Variants in WDR27 observed in about 807,000 individuals in gnomAD.
WDR27 encodes the protein WD repeat-containing protein 27.
In WDR27, 100 loss-of-function variants were observed where a neutral mutation model predicts 114.4. The observed-to-expected ratio is 0.87, with a 90% CI of 0.74 to 1.03. WDR27 has a LOEUF of 1.03. WDR27 is among the 50% of genes least tolerant of loss of function. The probability of loss-of-function intolerance (pLI) is 0.00; values close to 1 mark genes in which losing one functional copy is unlikely to be tolerated. For synonymous variants in WDR27, 449 were observed against 423.1 expected (o/e 1.06, Z -0.75); for missense variants, 1,129 against 1,092.9 (o/e 1.03, Z -0.47).
At chr6:169,447,104 A>C in the WDR27 span, among the ~76,000 whole-genome samples, 1 of 152,202 alleles carries the variant, frequency 6.6e-6, no homozygotes, top group Admixed American at 6.5e-5. Flanking sequence ...GTCACAATAA[A>C]ATTTTTCCAT....
In WDR27 at chr6:169,588,817, A is replaced by T. The variant is rs1805136961; in HGVS notation, c.2425-5883T>A. 2.0e-5 allele frequency among the ~76,000 whole-genome samples: 3 copies of T among 152,160 alleles called. No homozygotes were observed. The South Asian group carries it at 6.2e-4, about 32-fold the overall frequency. Reference sequence around the variant, plus strand: ...AGTGTGTCACTATTTACAAAACACAACTGTTACATAAACCATTTACAATAA... The same window carrying T: ...AGTGTGTCACTATTTACAAAACACATCTGTTACATAAACCATTTACAATAA... On this transcript the variant is annotated intron_variant, in intron 23 of 25. Transcript: ENST00000448612.
At chr6:169,664,565 G>A (rs1403176537) in intron 7 of WDR27, 99 of 1,304,534 alleles carry the variant, frequency 7.6e-5, no homozygotes, top group Non-Finnish European at 9.7e-5. Context: ...GCTCCTCTGG[G>A]AACCCCAGGC....
intron 1 of WDR27, among the ~76,000 whole-genome samples, chr6:169,700,398 G>C (rs772215410): frequency 6.6e-6 from 1 of 152,240 alleles, no homozygotes; most frequent in Non-Finnish European, 1.5e-5. Context: ...GGTAAGTGCT[G>C]TTCCTTTTCC....
intron 25 of WDR27, among the ~76,000 whole-genome samples, chr6:169,552,222 G>A (rs1287173252): frequency 1.3e-5 from 2 of 151,990 alleles, no homozygotes; most frequent in East Asian, 1.9e-4. Flanking sequence ...ATGCAGAGTC[G>A]CTGTCCCCAC....
chr6:169,545,127 G>A (rs1797299887), intron 25 of WDR27, among the ~76,000 whole-genome samples: 1 of 152,096 alleles, frequency 6.6e-6, no homozygotes, highest in Non-Finnish European at 1.5e-5. Context: ...TAAAATGAGA[G>A]GAATTACTCT....
chr6:169,465,693 G>T (rs950027788), intron 25 of WDR27, among the ~76,000 whole-genome samples: 1 of 152,138 alleles, frequency 6.6e-6, no homozygotes, highest in Non-Finnish European at 1.5e-5. Flanking sequence ...ACCACACAAT[G>T]GCAAATTATT....
intron 13 of WDR27, among the ~76,000 whole-genome samples, chr6:169,655,023 A>T (rs2128250042): frequency 6.6e-6 from 1 of 152,294 alleles, no homozygotes; most frequent in Middle Eastern, 3.4e-3. Context: ...AGAACAGAGG[A>T]CACATCACGC....
At chr6:169,688,736 A>G in intron 2 of WDR27, 81 bp downstream of exon 2, 1 of 998,860 alleles carries the variant, frequency 1.0e-6, no homozygotes, top group East Asian at 2.8e-5. Context: ...CACAGAGGGT[A>G]ATGCTGTCCG....
intron 25 of WDR27, among the ~76,000 whole-genome samples, chr6:169,541,498 G>C (rs577878725): frequency 1.3e-5 from 2 of 152,214 alleles, no homozygotes; most frequent in African/African-American, 4.8e-5. Flanking sequence ...ATAAGAAAAC[G>C]TGTGCTGAGA....
intron 2 of WDR27, among the ~76,000 whole-genome samples, chr6:169,678,967 GCTAT>G (rs1780771826): frequency 6.6e-6 from 1 of 152,142 alleles, no homozygotes; most frequent in South Asian, 2.1e-4. Context: ...TCTGAAGTCT[GCTAT>G]CTGAGAGCTT....
chr6:169,645,907 G>A (rs975958469), intron 16 of WDR27, among the ~76,000 whole-genome samples: 6 of 151,242 alleles, frequency 4.0e-5, no homozygotes, highest in African/African-American at 1.5e-4. Flanking sequence ...CTAGTTCACA[G>A]GGTCACACTG....
intron 23 of WDR27, among the ~76,000 whole-genome samples, chr6:169,591,677 A>T (rs1465977421): frequency 6.6e-6 from 1 of 152,148 alleles, no homozygotes; most frequent in Non-Finnish European, 1.5e-5. Flanking sequence ...AATCACAGTC[A>T]TTACTCTTTG....
intron 25 of WDR27, among the ~76,000 whole-genome samples, chr6:169,549,439 G>A (rs184719157): frequency 2.2e-4 from 34 of 152,302 alleles, no homozygotes; most frequent in Admixed American, 2.1e-3. Flanking sequence ...GCAAAATGGT[G>A]CAGCCTTTTT....
At chr6:169,669,113 A>C (rs1263066962) in intron 4 of WDR27, among the ~76,000 whole-genome samples, 3 of 152,234 alleles carry the variant, frequency 2.0e-5, no homozygotes, top group Non-Finnish European at 4.4e-5. Context: ...AAAATATTTA[A>C]GTTATTTCCT....
chr6:169,664,684 AAATC>A, intron 7 of WDR27: 3 of 1,013,906 alleles, frequency 3.0e-6, no homozygotes, highest in Non-Finnish European at 3.5e-6. Flanking sequence ...AGGAAAAAAA[AAATC>A]TAAGTTTTCA....
chr6:169,583,021 G>T, intron 23 of WDR27, 87 bp from the exon 24 acceptor site: 1 of 1,136,292 alleles, frequency 8.8e-7, no homozygotes, highest in Non-Finnish European at 1.3e-6. Flanking sequence ...ACCATCTATA[G>T]ATTAGTGTAG....
the WDR27 span, among the ~76,000 whole-genome samples, chr6:169,443,139 T>C: frequency 1.3e-5 from 2 of 152,300 alleles, no homozygotes; most frequent in South Asian, 2.1e-4. Flanking sequence ...GAGGTTTAAA[T>C]GGTTCATGCA....
At chr6:169,621,770 G>A (rs142941786) in intron 21 of WDR27, among the ~76,000 whole-genome samples, 9 of 120,472 alleles carry the variant, frequency 7.5e-5, no homozygotes, top group East Asian at 5.3e-4. Context: ...ATATACAGAC[G>A]CACACACATG....
chr6:169,671,341 C>T (rs1778694610), intron 3 of WDR27: 1 of 152,390 alleles, frequency 6.6e-6, no homozygotes, highest in Non-Finnish European at 1.5e-5. Context: ...GCCACCAAGT[C>T]TAGACAGAGA....
Sources: allele counts gnomAD v4.1 joint callset (sites outside exome capture counted in the v4.1 genomes callset), GRCh38; gene constraint gnomAD v4.1.1; transcripts MANE v1.5; gene names NCBI Gene and HGNC (gene_info 2026-07-23, HGNC 2026-07-21).